NTRK3: variants seen among roughly 807,000 people sequenced by gnomAD.
The protein encoded by NTRK3 is neurotrophic receptor tyrosine kinase 3.
A neutral mutation model predicts 91.7 loss-of-function variants in NTRK3; 24 were observed. The ratio of observed to expected loss-of-function variants is 0.26; its 90% confidence interval spans 0.19 to 0.37. The LOEUF is 0.37. Ranked by LOEUF, NTRK3 falls within the 10% of genes least tolerant of loss-of-function variation. NTRK3 has a pLI of 1.00. For synonymous variants in NTRK3, 483 were observed against 404.0 expected, an observed-to-expected ratio of 1.20 and a Z score of -2.34; for missense variants, 880 against 1,068.9, an observed-to-expected ratio of 0.82 and a Z score of 2.46.
intron 13 of NTRK3, among the ~76,000 whole-genome samples, chr15:88,078,327 C>G (rs149500954): frequency 1.3e-5 from 2 of 152,304 alleles, no homozygotes; most frequent in East Asian, 3.9e-4. Flanking sequence ...CACGTCCCAA[C>G]AGGTGCTTCG....
chr15:88,226,881 A>C (rs1001677629), intron 3 of NTRK3, among the ~76,000 whole-genome samples: 1 of 152,234 alleles, frequency 6.6e-6, no homozygotes, highest in African/African-American at 2.4e-5. Context: ...CATTTTACAG[A>C]GCAGCAAACT....
At chr15:88,018,142 A>G (rs1245459566) in intron 14 of NTRK3, among the ~76,000 whole-genome samples, 2 of 152,332 alleles carry the variant, frequency 1.3e-5, no homozygotes, top group Non-Finnish European at 2.9e-5. Flanking sequence ...TAGCTCTTGC[A>G]TCACCACCAA....
At chr15:88,086,552 T>C (rs1408895652) in intron 13 of NTRK3, among the ~76,000 whole-genome samples, 2 of 151,380 alleles carry the variant, frequency 1.3e-5, no homozygotes, top group Admixed American at 6.6e-5. Context: ...TCAAAGTATG[T>C]ATGGGGCTCT....
At chr15:88,001,317 G>A (rs1033039401) in intron 14 of NTRK3, among the ~76,000 whole-genome samples, 1 of 152,012 alleles carries the variant, frequency 6.6e-6, no homozygotes, top group African/African-American at 2.4e-5. Flanking sequence ...GGTGTCCACT[G>A]AAGCAAAAAA....
At chr15:87,938,650 T>C (rs1291413160) in intron 15 of NTRK3, among the ~76,000 whole-genome samples, 3 of 152,198 alleles carry the variant, frequency 2.0e-5, no homozygotes, top group Non-Finnish European at 4.4e-5. Flanking sequence ...TTCCTAGGGT[T>C]TTCAGCCATC....
chr15:88,170,104 C>T (rs2045365554), intron 5 of NTRK3, among the ~76,000 whole-genome samples: 1 of 152,122 alleles, frequency 6.6e-6, no homozygotes, highest in Non-Finnish European at 1.5e-5. Context: ...AGAAGGCCCT[C>T]AACAGATGTT....
In NTRK3 at chr15:88,243,567, C is replaced by CACACAT. The variant is rs1555571961; in HGVS notation, c.248+12338_248+12339insATGTGT. 0.012 allele frequency among the ~76,000 whole-genome samples: 1,736 copies of CACACAT among 150,530 alleles called. 43 individuals are homozygous for CACACAT. The highest frequency in any genetic ancestry group is 0.041 in the African/African-American group (1,664 of 40,714). On this transcript the variant is annotated intron_variant, in intron 3 of 18. Coordinates refer to ENST00000394480, the Ensembl canonical transcript of NTRK3. The surrounding 1 kb of genome is among the most constrained non-coding windows in gnomAD (Gnocchi z 4.8). ...ACACACACACACACACACACACACA[C>CACACAT]ACACACACACTGAGCAAAAGGTATT...
chr15:87,896,972 C>G (rs1033629536), intron 17 of NTRK3, among the ~76,000 whole-genome samples: 1 of 152,182 alleles, frequency 6.6e-6, no homozygotes, highest in Non-Finnish European at 1.5e-5. Flanking sequence ...GCAGCGAAAA[C>G]TCACAAAGAC....
chr15:87,903,287 C>T (rs1190444824), intron 17 of NTRK3, among the ~76,000 whole-genome samples: 17 of 152,180 alleles, frequency 1.1e-4, no homozygotes, highest in Non-Finnish European at 1.5e-4. Flanking sequence ...AAAAGAATTG[C>T]GGAAGCAAAG....
chr15:88,252,542 C>T (rs1299982647), intron 3 of NTRK3: 1 of 152,436 alleles, frequency 6.6e-6, no homozygotes, highest in South Asian at 2.1e-4. Flanking sequence ...CCATGCCATC[C>T]TCTCCCACTT....
At chr15:88,145,619 C>T (rs775344098) in intron 6 of NTRK3, among the ~76,000 whole-genome samples, 1 of 152,194 alleles carries the variant, frequency 6.6e-6, no homozygotes, top group Non-Finnish European at 1.5e-5. Context: ...ACCAGGGCAG[C>T]AGCACACCAT....
rs2141914339 is a variant in NTRK3, at chr15:87,929,361, G to A, written c.1963C>T (p.Gln655Ter). The change falls in exon 17 of 19, where the codon CAA becomes TAA. Residue 655 changes from glutamine to a stop codon, truncating the protein, a stop_gained. Coordinates refer to ENST00000394480, the Ensembl canonical transcript of NTRK3. LOFTEE classifies it high-confidence loss of function. ...ATCTGACTGGCAATGTGGAGCATTTGGGAGAGCCCCAGCTCACCCTTGGCC... is the reference window on the plus strand; with the variant it reads ...ATCTGACTGGCAATGTGGAGCATTTAGGAGAGCCCCAGCTCACCCTTGGCC... 6.2e-7 allele frequency: 1 copy of A among 1,614,172 alleles called. No individual in the cohort carries two copies. The highest frequency in any genetic ancestry group is 8.5e-7 in the Non-Finnish European group (1 of 1,180,016).
chr15:88,033,019 C>T (rs1330829152), exon 14 of NTRK3: 1 of 1,599,524 alleles, frequency 6.3e-7, no homozygotes, highest in Non-Finnish European at 8.5e-7. Context: ...GCTGAGTCCT[C>T]CTCACCACTG....
At chr15:88,195,274 C>G (rs1322042845) in intron 3 of NTRK3, among the ~76,000 whole-genome samples, 2 of 152,324 alleles carry the variant, frequency 1.3e-5, no homozygotes, top group East Asian at 3.9e-4. Context: ...GATTATGTCA[C>G]CTATGTGTTC....
At chr15:88,088,644 T>C (rs990203140) in intron 13 of NTRK3, among the ~76,000 whole-genome samples, 1 of 152,192 alleles carries the variant, frequency 6.6e-6, no homozygotes, top group African/African-American at 2.4e-5. Context: ...ATGGTAATAA[T>C]AATGGTAACA....
chr15:87,864,126 AGAGT>A (rs2064600896), exon 19 of NTRK3: 1 of 232,790 alleles, frequency 4.3e-6, no homozygotes, highest in African/African-American at 2.2e-5. Flanking sequence ...TTTCACATTC[AGAGT>A]GAGAATTTTC....
rs188156122 is a variant in NTRK3 at position 88,203,361 on chromosome 15, C to T, written c.249-19062G>A. Among the ~76,000 whole-genome samples the T allele has an allele frequency of 4.2e-4, 64 of 152,236 alleles. No individual in the cohort carries two copies. In the East Asian group the frequency reaches 0.012, roughly 28 times the overall value. ...GTGTCTTTCCAGCTCTGTCTCCTAC[C>T]GCATGACTCAGACCCCAATAATCCA... On this transcript the variant is annotated intron_variant, in intron 3 of 18. Coordinates refer to ENST00000394480, the Ensembl canonical transcript of NTRK3.
At chr15:88,193,691 A>T (rs571757284) in intron 3 of NTRK3, among the ~76,000 whole-genome samples, 46 of 152,274 alleles carry the variant, frequency 3.0e-4, no homozygotes, top group African/African-American at 1.1e-3. Context: ...TCCCATGTGG[A>T]CTTTCTACCC....
At chr15:88,147,621 G>C (rs1018430656) in intron 5 of NTRK3, among the ~76,000 whole-genome samples, 3 of 151,866 alleles carry the variant, frequency 2.0e-5, no homozygotes, top group African/African-American at 7.3e-5. Context: ...ATAGGCTTTT[G>C]AGGCCTTTTA....
Sources: gnomAD v4.1 joint callset for allele counts (sites outside exome capture counted in the v4.1 genomes callset) on GRCh38, gnomAD v4.1.1 for gene constraint, Gnocchi (gnomAD v3.1) non-coding constraint, MANE v1.5 for transcripts, NCBI Gene and HGNC (gene_info 2026-07-23, HGNC 2026-07-21) for gene names.